Variants in RNF20 observed in about 807,000 individuals in gnomAD.
The protein encoded by RNF20 is E3 ubiquitin-protein ligase BRE1A.
Under a neutral mutation model 126.2 loss-of-function variants are expected in RNF20, and 84 were observed. The ratio of observed to expected loss-of-function variants is 0.67; its 90% CI spans 0.56 to 0.80. The LOEUF is 0.80. Ranked by LOEUF, RNF20 falls within the 30% of genes least tolerant of loss-of-function variation. RNF20 has a pLI of 0.00. For synonymous variants in RNF20, 400 were observed against 414.3 expected (o/e 0.97, Z 0.42); for missense variants, 869 against 1,188.2 (o/e 0.73, Z 3.95).
chr9:101,542,903 TTC>T (rs2118684746), intron 5 of RNF20, among the ~76,000 whole-genome samples: 1 of 152,322 alleles, frequency 6.6e-6, no homozygotes, highest in Admixed American at 6.5e-5. Context: ...AAGCTGAACT[TTC>T]TAAGAGATAA....
At chr9:101,547,823 A>G (rs1313681559) in intron 9 of RNF20, among the ~76,000 whole-genome samples, 2 of 152,232 alleles carry the variant, frequency 1.3e-5, no homozygotes, top group Admixed American at 6.5e-5. Context: ...AGCCAGAGTA[A>G]TTAGGCAAGG....
At position 101,563,317 on chromosome 9, in the gene RNF20, C is replaced by A. The variant is rs1827654549; in HGVS notation, c.*895C>A. On this transcript the variant is annotated 3_prime_UTR_variant, in exon 20 of 20. Transcript: ENST00000389120. ...TCTGTAGGACTTTGTTCTCCACAAG[C>A]TTGAATTAAAGCAGGATTCAGTTTG... The A allele has an allele frequency of 1.3e-5, 2 of 152,590 alleles. No homozygotes were observed. Among genetic ancestry groups the A allele is most frequent in the South Asian group, 4.1e-4 (2 of 4,826 alleles). 9.5% of individuals were successfully genotyped at this position (152,590 alleles called of 1,614,324 possible).
chr9:101,561,896 C>T lies in RNF20; in HGVS notation c.2650-14C>T. The T allele has an allele frequency of 6.4e-7, 1 of 1,565,082 alleles. No homozygotes were observed. Among genetic ancestry groups the T allele is most frequent in the Non-Finnish European group, 8.8e-7 (1 of 1,135,470 alleles). On this transcript the variant is annotated splice_polypyrimidine_tract_variant and intron_variant, in intron 18 of 19. Coordinates refer to ENST00000389120, the MANE Select transcript of RNF20 (RefSeq NM_019592.7). ...TGGGTAAGTGTGTCTAATGGGTATG[C>T]TATCCTGCCACAGGAGGACATCTCT...
At chr9:101,562,098 C>T (rs1311640783) in intron 19 of RNF20, 87 bp downstream of exon 19, 6 of 1,301,194 alleles carry the variant, frequency 4.6e-6, no homozygotes, top group Admixed American at 4.2e-5. Flanking sequence ...TGATAGTAAC[C>T]AGAGAATGGT....
At chr9:101,537,998 G>A (rs1219251451) in intron 2 of RNF20, among the ~76,000 whole-genome samples, 1 of 152,182 alleles carries the variant, frequency 6.6e-6, no homozygotes, top group Non-Finnish European at 1.5e-5. Context: ...TATAATGACT[G>A]ATCATGGAAT....
intron 5 of RNF20, among the ~76,000 whole-genome samples, chr9:101,543,445 GGCACTGTCTAACCTGCCAAGGCA>G (rs1236404680): frequency 3.6e-5 from 5 of 137,114 alleles, no homozygotes; most frequent in Non-Finnish European, 6.7e-5. Flanking sequence ...CTGCCAGGGC[GGCACTGTCTAACCTGCCAAGGCA>G]GCACTGTCTA....
rs763103343 is a variant in RNF20, at chr9:101,561,156, C to T, written c.2575C>T (p.His859Tyr). The stretch of plus-strand genomic sequence containing the variant: ...ACTGGAGTTGGCTCAGAAGAAGCTA[C>T]ATGATTTTCAGGATGAGATCGTGGA... Reference protein sequence around the residue: ...AQLELAQKKLHDFQDEIVENS... With the variant: ...AQLELAQKKLYDFQDEIVENS... The change falls in exon 18 of 20, where the codon CAT becomes TAT. Residue 859 changes from histidine to tyrosine, a missense_variant. Coordinates refer to ENST00000389120, the MANE Select transcript of RNF20 (RefSeq NM_019592.7). The T allele has an allele frequency of 1.2e-6, 2 of 1,613,782 alleles. No homozygotes were observed. The highest frequency in any genetic ancestry group is 1.7e-6 in the Non-Finnish European group (2 of 1,179,844).
intron 9 of RNF20, among the ~76,000 whole-genome samples, chr9:101,549,365 A>G (rs1827405438): frequency 6.6e-6 from 1 of 152,212 alleles, no homozygotes; most frequent in African/African-American, 2.4e-5. Flanking sequence ...AGCTTATGCC[A>G]TTATTTCTGA....
intron 9 of RNF20, among the ~76,000 whole-genome samples, chr9:101,549,389 T>C (rs997284770): frequency 6.6e-6 from 1 of 152,104 alleles, no homozygotes; most frequent in Non-Finnish European, 1.5e-5. Flanking sequence ...TTAGAGACTT[T>C]TAATACTTTC....
rs938569245 is a variant in RNF20, at chr9:101,538,623, G to A, written c.130-1580G>A. ...GTTTCTCATCCAAGTTTCAGTTAGA[G>A]CAAGAAGGGAAAGGCAATGTTCAGA... On this transcript the variant is annotated intron_variant, in intron 2 of 19. Coordinates refer to ENST00000389120, the MANE Select transcript of RNF20 (RefSeq NM_019592.7). Among the ~76,000 whole-genome samples the A allele has an allele frequency of 1.5e-3, 222 of 152,236 alleles. 1 individual carries two copies. Among genetic ancestry groups the A allele is most frequent in the African/African-American group, 5.2e-3 (215 of 41,536 alleles).
intron 9 of RNF20, among the ~76,000 whole-genome samples, chr9:101,547,745 A>C (rs1219525151): frequency 6.6e-6 from 1 of 152,240 alleles, no homozygotes; most frequent in African/African-American, 2.4e-5. Flanking sequence ...CCAATGGCGA[A>C]AAGTTGAAAG....
chr9:101,557,243 A>G, intron 15 of RNF20, 141 bp from the exon 16 acceptor site: 1 of 629,908 alleles, frequency 1.6e-6, no homozygotes, highest in Non-Finnish European at 2.8e-6. Context: ...CTGTATGCCT[A>G]GTGACAAAAC....
Position 101,562,274 on chromosome 9 carries a change from T to G in RNF20, c.2780T>G (p.Met927Arg), listed in dbSNP as rs752585046. The G allele has an allele frequency of 6.2e-7, 1 of 1,614,020 alleles. No individual in the cohort carries two copies. Among genetic ancestry groups the G allele is most frequent in the South Asian group, 1.1e-5 (1 of 91,074 alleles). The change falls in exon 20 of 20, where the codon ATG (methionine) becomes AGG (arginine). Residue 927 changes from methionine (M) to arginine (R), a missense_variant. Physicochemically the swap from Met to Arg is moderately conservative, Grantham distance 91. Transcript: ENST00000389120. ...KARLTCPCCN[M>R]RKKDAVLTKC... ...CGCTTGACCTGTCCGTGCTGTAACA[T>G]GCGTAAAAAGGATGCTGTTCTTACT...
intron 5 of RNF20, among the ~76,000 whole-genome samples, chr9:101,542,173 A>G (rs1265981700): frequency 1.3e-5 from 2 of 152,246 alleles, no homozygotes; most frequent in Non-Finnish European, 2.9e-5. Flanking sequence ...TAAGTTGTCA[A>G]CAGAATTAAG....
rs765193349 is a variant in RNF20 at position 101,561,929 on chromosome 9, G to A, written c.2669G>A (p.Arg890His). Reference protein sequence around the residue: ...KRAQEDISRLRRKLETTKKPD... With the variant: ...KRAQEDISRLHRKLETTKKPD... ...CCACAGGAGGACATCTCTAGACTTCGCAGGAAGCTGGAGACCACAAAGAAA... is the reference window on the plus strand; with the variant it reads ...CCACAGGAGGACATCTCTAGACTTCACAGGAAGCTGGAGACCACAAAGAAA... Residue 890 changes from arginine (R) to histidine (H), a missense_variant, in exon 19 of 20, where the codon CGC (arginine) becomes CAC (histidine). Around this residue, in one of 8 missense-constraint regions of RNF20, gnomAD observed 150 missense variants for 173.7 expected, o/e 0.86. Transcript: ENST00000389120. The A allele has an allele frequency of 2.5e-6, 4 of 1,612,974 alleles. No individual in the cohort carries two copies. The highest frequency in any genetic ancestry group is 1.7e-5 in the Admixed American group (1 of 60,012).
intron 2 of RNF20, among the ~76,000 whole-genome samples, chr9:101,536,917 T>C (rs80159021): frequency 0.051 from 7,778 of 152,286 alleles, 265 homozygotes; most frequent in South Asian, 0.089. Flanking sequence ...TTTCTTTTCT[T>C]CTTCTTACTC....
chr9:101,551,590 TTGAA>T, intron 10 of RNF20, 90 bp from the exon 11 acceptor site: 3 of 1,178,644 alleles, frequency 2.5e-6, no homozygotes, highest in Non-Finnish European at 2.3e-6. Flanking sequence ...TACGTATAGA[TTGAA>T]CTGGAAATTT....
intron 9 of RNF20, among the ~76,000 whole-genome samples, 181 bp downstream of exon 9, chr9:101,547,699 A>T (rs1026224820): frequency 6.6e-6 from 1 of 152,242 alleles, no homozygotes; most frequent in Non-Finnish European, 1.5e-5. Context: ...AACATAATAA[A>T]GGCCATATAA....
rs758389018 is a variant in RNF20 at position 101,552,541 on chromosome 9, A to G, written c.1689A>G (p.Lys563=). ...AGGATGCCAATGAAATCAAGTCTAA[A>G]CGGGATGAAGAAGAACGAGAACGAG... The part of the protein sequence containing the change: ...SQEDANEIKS[K]RDEEERERER... The change falls in exon 13 of 20, where the codon AAA becomes AAG. Residue 563 remains lysine, a synonymous_variant. Coordinates refer to ENST00000389120, the MANE Select transcript of RNF20 (RefSeq NM_019592.7). 1.9e-6 allele frequency: 3 copies of G among 1,613,782 alleles called. No homozygotes were observed. Among genetic ancestry groups the G allele is most frequent in the Non-Finnish European group, 2.5e-6 (3 of 1,179,770 alleles).
Sources: gnomAD v4.1 joint callset for allele counts (sites outside exome capture counted in the v4.1 genomes callset) on GRCh38, gnomAD v4.1.1 for gene constraint, gnomAD v4.1.1 regional missense constraint, MANE v1.5 for transcripts, NCBI Gene and HGNC (gene_info 2026-07-23, HGNC 2026-07-21) for gene names.